NFIA: variants seen among roughly 807,000 people sequenced by gnomAD.
NFIA encodes nuclear factor I A.
NFIA carries 8 observed loss-of-function variants against 62.8 expected under a neutral mutation model. The ratio of observed to expected loss-of-function variants is 0.13; its 90% CI spans 0.07 to 0.23. NFIA has a LOEUF of 0.23. Ranked by LOEUF, NFIA falls within the 10% of genes least tolerant of loss-of-function variation. NFIA has a pLI of 1.00. For missense variants in NFIA, 410 were observed against 642.1 expected, an observed-to-expected ratio of 0.64 and a Z score of 3.91; for synonymous variants, 235 against 238.1, an observed-to-expected ratio of 0.99 and a Z score of 0.12.
chr1:61,186,191 G>T (rs1251469986), intron 2 of NFIA, among the ~76,000 whole-genome samples: 2 of 152,074 alleles, frequency 1.3e-5, no homozygotes, highest in Non-Finnish European at 2.9e-5. Flanking sequence ...GTTGGGAGAA[G>T]ACAGAGCTGT....
intron 3 of NFIA, among the ~76,000 whole-genome samples, chr1:61,295,560 G>A (rs1320515944): frequency 6.6e-6 from 1 of 152,108 alleles, no homozygotes; most frequent in Admixed American, 6.6e-5. Flanking sequence ...GTGCAAGGGT[G>A]GGAGAGAAAG....
intron 7 of NFIA, among the ~76,000 whole-genome samples, chr1:61,401,278 G>A (rs1213433881): frequency 6.6e-6 from 1 of 152,168 alleles, no homozygotes; most frequent in African/African-American, 2.4e-5. Flanking sequence ...TTATAAATCA[G>A]TCATTGTAGA....
chr1:61,266,904 C>T (rs927775030), intron 2 of NFIA, among the ~76,000 whole-genome samples: 3 of 152,134 alleles, frequency 2.0e-5, no homozygotes, highest in African/African-American at 7.2e-5. Context: ...TCATAATTTA[C>T]AAGGCACTGT....
intron 9 of NFIA, among the ~76,000 whole-genome samples, chr1:61,426,118 TC>T (rs1666854824): frequency 6.6e-6 from 1 of 152,322 alleles, no homozygotes; most frequent in African/African-American, 2.4e-5. Flanking sequence ...CTCCCTCTGC[TC>T]TAAAGAATAG....
At chr1:61,323,019 T>G (rs1660754235) in intron 3 of NFIA, among the ~76,000 whole-genome samples, 1 of 152,176 alleles carries the variant, frequency 6.6e-6, no homozygotes, top group African/African-American at 2.4e-5. Context: ...AGATTAGGTG[T>G]CTGTATTGAG....
At chr1:61,386,201 T>G (rs1336309673) in intron 7 of NFIA, among the ~76,000 whole-genome samples, 1 of 152,120 alleles carries the variant, frequency 6.6e-6, no homozygotes, top group African/African-American at 2.4e-5. Flanking sequence ...ACGTGGTGTT[T>G]TAGGAAGATG....
At position 61,269,348 on chromosome 1, in the gene NFIA, TTAAA is replaced by T. The variant is rs1306601000; in HGVS notation, c.560-8168_560-8165del. 3.3e-5 allele frequency among the ~76,000 whole-genome samples: 5 copies of T among 152,228 alleles called. No homozygotes were observed. The South Asian group carries it at 6.2e-4, about 19-fold the overall frequency. On this transcript the variant is annotated intron_variant, in intron 2 of 10. Transcript: ENST00000403491. ...TATTTTAAAAGCTCTGTTTTGATACTTAAATAAGACATTTGTTGTTGGCAAATAT... is the reference window on the plus strand; with the variant it reads ...TATTTTAAAAGCTCTGTTTTGATACTTAAGACATTTGTTGTTGGCAAATAT...
rs11336299 is a variant in NFIA, at chr1:61,453,443, C to CTTTTTTT, written c.1513-1842_1513-1836dup. 1.1e-3 allele frequency among the ~76,000 whole-genome samples: 83 copies of CTTTTTTT among 78,882 alleles called. 1 individual carries two copies. The highest frequency in any genetic ancestry group is 1.2e-3 in the African/African-American group (23 of 19,532). 51.7% of individuals were successfully genotyped at this position (78,882 alleles called of 152,430 possible). ...CTGAATAGTAAGATGTGTGAAGAAA[C>CTTTTTTT]TTTTTTTTTTTTTTTTTTTTTTTTG... On this transcript the variant is annotated intron_variant, in intron 10 of 10. Transcript: ENST00000403491.
intron 2 of NFIA, among the ~76,000 whole-genome samples, chr1:61,120,020 T>C (rs1375072180): frequency 6.6e-5 from 10 of 152,228 alleles, no homozygotes; most frequent in Non-Finnish European, 1.2e-4. Flanking sequence ...AAATCTGATC[T>C]ATATGGGTAA....
chr1:61,367,901 C>T (rs1663677062), intron 6 of NFIA, among the ~76,000 whole-genome samples: 1 of 150,840 alleles, frequency 6.6e-6, no homozygotes, highest in African/African-American at 2.4e-5. Context: ...GACTTAGTAG[C>T]CATTCAATCA....
intron 10 of NFIA, among the ~76,000 whole-genome samples, chr1:61,437,780 G>T (rs1012322628): frequency 2.6e-5 from 4 of 152,168 alleles, no homozygotes; most frequent in African/African-American, 9.7e-5. Flanking sequence ...TTGGTGGGGA[G>T]AACATTCCAG....
intron 10 of NFIA, among the ~76,000 whole-genome samples, chr1:61,443,222 CCAGA>C (rs1255141429): frequency 6.6e-6 from 1 of 152,106 alleles, no homozygotes; most frequent in Non-Finnish European, 1.5e-5. Context: ...CTGTCTTCCG[CCAGA>C]CAGAGAGGAA....
chr1:61,280,669 T>G (rs1359471040), intron 3 of NFIA, among the ~76,000 whole-genome samples: 1 of 152,144 alleles, frequency 6.6e-6, no homozygotes, highest in African/African-American at 2.4e-5. Context: ...ACTAGTCTGC[T>G]TTTTCTGTGG....
Position 61,379,696 on chromosome 1 carries a change from G to A in NFIA, c.947-3541G>A, listed in dbSNP as rs1034661740. Among the ~76,000 whole-genome samples, 7 of 151,844 alleles carry A rather than the reference G, an allele frequency of 4.6e-5. No homozygotes were observed. In the East Asian group the frequency reaches 5.8e-4, roughly 13 times the overall value. ...GCTGGGATTACAGGCATGAGCCACC[G>A]TGCCTGGCCTCAGCTAACTTTTAAA... On this transcript the variant is annotated intron_variant, in intron 6 of 10. Coordinates refer to ENST00000403491, the MANE Select transcript of NFIA (RefSeq NM_001134673.4).
At position 61,415,838 on chromosome 1, in the gene NFIA, G is replaced by A. The variant is rs909123296; in HGVS notation, c.1420+9111G>A. On this transcript the variant is annotated intron_variant, in intron 9 of 10. Transcript: ENST00000403491. ...GTACATATATAAATTTTACATGTAA[G>A]CCGTGCATACATGGCTAGGGCATAT... is the stretch of plus-strand genomic sequence containing the variant. 4.6e-5 allele frequency among the ~76,000 whole-genome samples: 7 copies of A among 152,138 alleles called. No individual in the cohort carries two copies. The South Asian group carries it at 1.5e-3, about 32-fold the overall frequency.
At chr1:61,231,633 G>A (rs1015252187) in intron 2 of NFIA, among the ~76,000 whole-genome samples, 13 of 152,056 alleles carry the variant, frequency 8.5e-5, no homozygotes, top group Non-Finnish European at 1.8e-4. Context: ...TGTATATAAG[G>A]TAAGACCTGC....
chr1:61,085,302 G>T (rs1408339313), intron 1 of NFIA, among the ~76,000 whole-genome samples: 1 of 152,086 alleles, frequency 6.6e-6, no homozygotes, highest in Non-Finnish European at 1.5e-5. Flanking sequence ...AAATTTGTAG[G>T]TGAACTTTTA....
intron 2 of NFIA, among the ~76,000 whole-genome samples, chr1:61,272,873 G>A (rs1657597213): frequency 6.6e-6 from 1 of 152,162 alleles, no homozygotes; most frequent in Non-Finnish European, 1.5e-5. Context: ...GGGTTTGGAT[G>A]CCTTCTGGTT....
chr1:61,391,862 G>A (rs1665003269), intron 7 of NFIA, among the ~76,000 whole-genome samples: 1 of 152,166 alleles, frequency 6.6e-6, no homozygotes, highest in Non-Finnish European at 1.5e-5. Flanking sequence ...AATCTAATTT[G>A]TCTCTCCTGG....
Sources: gnomAD v4.1 joint callset for allele counts (sites outside exome capture counted in the v4.1 genomes callset) on GRCh38, gnomAD v4.1.1 for gene constraint, MANE v1.5 for transcripts, NCBI Gene and HGNC (gene_info 2026-07-23, HGNC 2026-07-21) for gene names.